The following DLST variants were observed in gnomAD, a reference collection of about 807,000 sequenced individuals.
DLST encodes dihydrolipoyllysine-residue succinyltransferase component of 2-oxoglutarate dehydrogenase complex, mitochondrial.
In DLST, 17 loss-of-function variants were observed where a neutral mutation model predicts 53.1. The observed-to-expected ratio is 0.32, with a 90% CI of 0.22 to 0.48. The LOEUF (loss-of-function observed/expected upper bound fraction) is 0.48, where lower values mean the gene tolerates loss of function less well. DLST is among the 20% of genes least tolerant of loss of function. DLST has a pLI of 0.99. For missense variants in DLST, 512 were observed against 583.9 expected (o/e 0.88, Z 1.27); for synonymous variants, 206 against 204.8 (o/e 1.01, Z -0.05).
At chr14:74,887,224 AAGC>A (rs1315054961) in intron 3 of DLST, among the ~76,000 whole-genome samples, 20 of 152,286 alleles carry the variant, frequency 1.3e-4, no homozygotes, top group African/African-American at 4.1e-4. Flanking sequence ...AAGTGGGAAA[AAGC>A]AGGTTACAAA....
chr14:74,897,487 G>A (rs1884107392), intron 10 of DLST, among the ~76,000 whole-genome samples: 1 of 151,824 alleles, frequency 6.6e-6, no homozygotes, highest in African/African-American at 2.4e-5. Context: ...ATGTGTCATT[G>A]AAAAAAAACC....
Position 74,881,974 on chromosome 14 carries a change from T to G in DLST, c.21T>G (p.Cys7Trp). 3 of 1,572,000 alleles carry G rather than the reference T, an allele frequency of 1.9e-6. No individual in the cohort carries two copies. The highest frequency in any genetic ancestry group is 2.6e-6 in the Non-Finnish European group (3 of 1,166,888). ...CCGTGATGCTGTCCCGATCCCGCTG[T>G]GTGTCTCGGGCGTTCAGCCGCTCGC... MLSRSR[C>W]VSRAFSRSLS... Residue 7 changes from cysteine to tryptophan, a missense_variant, in exon 1 of 15, where the codon TGT becomes TGG. This residue lies in a region of DLST where 129 missense variants were observed against 90.9 expected (regional missense o/e 1.42). Transcript: ENST00000334220.
chr14:74,890,042 A>G (rs887698556), intron 6 of DLST, 90 bp downstream of exon 6: 2 of 1,104,666 alleles, frequency 1.8e-6, no homozygotes, highest in Non-Finnish European at 2.6e-6. Context: ...TTGTTTAGAG[A>G]TAATTTTTAA....
intron 7 of DLST, among the ~76,000 whole-genome samples, chr14:74,892,228 A>C: frequency 6.6e-6 from 1 of 152,290 alleles, no homozygotes; most frequent in Non-Finnish European, 1.5e-5. Flanking sequence ...GACTATGGGC[A>C]CATGCCACCA....
At chr14:74,890,975 G>A (rs1015436386) in intron 6 of DLST, 81 bp from the exon 7 acceptor site, 1 of 1,528,000 alleles carries the variant, frequency 6.5e-7, no homozygotes, top group Non-Finnish European at 8.8e-7. Flanking sequence ...ACTGTGCCTG[G>A]CTTCATTGGA....
Position 74,900,371 on chromosome 14 carries a change from A to C in DLST, c.1058A>C (p.Lys353Thr). ...IERTITELGE[K>T]ARKNELAIED... ...CGGACCATCACTGAACTGGGAGAGA[A>C]GGTAAAGTAGAAAGATGTATACAAG... Residue 353 changes from lysine (K) to threonine (T), a missense_variant and splice_region_variant, in exon 13 of 15, where the codon AAG becomes ACG. Physicochemically the swap from Lys to Thr is moderately conservative, Grantham distance 78. Transcript: ENST00000334220. The C allele has an allele frequency of 6.2e-7, 1 of 1,613,464 alleles. No homozygotes were observed. Among genetic ancestry groups the C allele is most frequent in the Non-Finnish European group, 8.5e-7 (1 of 1,179,500 alleles).
At chr14:74,882,048 G>A (rs1566787221) in intron 1 of DLST, 32 bp downstream of exon 1, 4 of 1,512,304 alleles carry the variant, frequency 2.6e-6, no homozygotes, top group African/African-American at 2.9e-5. Flanking sequence ...GCCCCGACGG[G>A]TGAGGAGTCT....
chr14:74,899,897 T>A, intron 11 of DLST, 26 bp from the exon 12 acceptor site: 1 of 1,581,398 alleles, frequency 6.3e-7, no homozygotes, highest in South Asian at 1.1e-5. Context: ...GGGAGTTGTA[T>A]GTAACATGTA....
chr14:74,900,433 C>A, intron 13 of DLST, 61 bp downstream of exon 13: 1 of 1,479,646 alleles, frequency 6.8e-7, no homozygotes, highest in Non-Finnish European at 9.4e-7. Context: ...CTTCAGAAGG[C>A]TGGGCTCACT....
chr14:74,895,920 A>G (rs1163537604), intron 10 of DLST, among the ~76,000 whole-genome samples: 1 of 152,156 alleles, frequency 6.6e-6, no homozygotes, highest in Non-Finnish European at 1.5e-5. Context: ...GTATGGTGGC[A>G]TGGACCTATA....
rs777094589 is a variant in DLST at position 74,900,013 on chromosome 14, G to C, written c.975+17G>C. Reference sequence around the variant, plus strand: ...ACCCCACGGGTATGTTGGGGCAGGAGGTGGGGAATGTTGGTCTTAGACCCT... The same window carrying C: ...ACCCCACGGGTATGTTGGGGCAGGACGTGGGGAATGTTGGTCTTAGACCCT... On this transcript the variant is annotated intron_variant, in intron 12 of 14. Transcript: ENST00000334220. The C allele has an allele frequency of 1.2e-5, 20 of 1,604,270 alleles. No individual in the cohort carries two copies. Among genetic ancestry groups the C allele is most frequent in the Non-Finnish European group, 1.7e-5 (20 of 1,172,128 alleles).
chr14:74,883,058 G>C (rs925688020), intron 2 of DLST, among the ~76,000 whole-genome samples: 2 of 152,358 alleles, frequency 1.3e-5, no homozygotes, highest in South Asian at 4.1e-4. Context: ...ACTCTGGGAG[G>C]CTGAGGCGGG....
rs1883806698 is a variant in DLST, at chr14:74,889,085, T to TCTTTTGTAG, written c.147-8_147dup. On this transcript the variant is annotated splice_polypyrimidine_tract_variant and intron_variant, in intron 3 of 14. Transcript: ENST00000334220. ...CTGTTAAAAGGAGTTAACGTGTGTTTCTTTTGTAGCATTAACAACAGTGTC... is the reference window on the plus strand; with the variant it reads ...CTGTTAAAAGGAGTTAACGTGTGTTTCTTTTGTAGCTTTTGTAGCATTAACAACAGTGTC... The TCTTTTGTAG allele has an allele frequency of 6.2e-7, 1 of 1,613,938 alleles. No individual in the cohort carries two copies. The highest frequency in any genetic ancestry group is 1.1e-5 in the South Asian group (1 of 91,084).
chr14:74,891,671 G>T, intron 7 of DLST: 1 of 984,096 alleles, frequency 1.0e-6, no homozygotes, highest in Non-Finnish European at 1.2e-6. Context: ...ATTTGTACTG[G>T]ACCTGATAGG....
chr14:74,894,442 C>A (rs573506488), intron 10 of DLST, 33 bp downstream of exon 10: 1 of 1,602,572 alleles, frequency 6.2e-7, no homozygotes. Flanking sequence ...TCCCCTAGGC[C>A]CCTTTTTCTT....
intron 3 of DLST, among the ~76,000 whole-genome samples, chr14:74,886,810 C>T (rs1227223891): frequency 2.0e-5 from 3 of 151,614 alleles, no homozygotes; most frequent in Admixed American, 6.6e-5. Flanking sequence ...GGCGCGATCT[C>T]GGCTCACTGC....
intron 7 of DLST, 141 bp downstream of exon 7, chr14:74,891,308 A>G (rs1022013946): frequency 3.5e-6 from 5 of 1,448,296 alleles, no homozygotes; most frequent in Non-Finnish European, 3.6e-6. Context: ...GGGTAAATTT[A>G]TATATAGTGT....
intron 14 of DLST, 27 bp downstream of exon 14, chr14:74,901,260 A>C: frequency 2.5e-6 from 4 of 1,597,104 alleles, no homozygotes; most frequent in Non-Finnish European, 3.4e-6. Flanking sequence ...CTAAGGTCCT[A>C]GTGGCTAGGT....
Position 74,900,146 on chromosome 14 carries a change from G to T in DLST, c.976-143G>T, listed in dbSNP as rs533108073. On this transcript the variant is annotated intron_variant, in intron 12 of 14. Coordinates refer to ENST00000334220, the MANE Select transcript of DLST (RefSeq NM_001933.5). ...CCTTTTTTTTCTTTTAAACCATGCC[G>T]CATTCTTTTAACACTTTCTGTTAAT... 4.3e-5 allele frequency: 46 copies of T among 1,075,288 alleles called. No homozygotes were observed. In the African/African-American group the frequency reaches 6.6e-4, roughly 15 times the overall value. 66.6% of individuals were successfully genotyped at this position (1,075,288 alleles called of 1,614,324 possible). A position where few individuals can be genotyped will look rare whatever the true frequency, so the allele number is the denominator to read the frequency against.
Sources: allele counts gnomAD v4.1 joint callset (sites outside exome capture counted in the v4.1 genomes callset), GRCh38; gene constraint gnomAD v4.1.1; regional missense constraint gnomAD v4.1.1; transcripts MANE v1.5; gene names NCBI Gene and HGNC (gene_info 2026-07-23, HGNC 2026-07-21).